RIMKLB: variants seen among roughly 807,000 people sequenced by gnomAD.
The protein encoded by RIMKLB is beta-citrylglutamate synthase B.
Under a neutral mutation model 32.0 loss-of-function variants are expected in RIMKLB, and 7 were observed. That is an observed-to-expected ratio of 0.22 (90% CI 0.12 to 0.41). The LOEUF is 0.41. Among genes scored for constraint, RIMKLB ranks in the 10% least tolerant of loss-of-function variants. RIMKLB has a pLI of 1.00. For missense variants in RIMKLB, 289 were observed against 498.7 expected (o/e 0.58, Z 4.00); for synonymous variants, 172 against 185.1 (o/e 0.93, Z 0.57).
At chr12:8,698,579 G>A (rs1307539094) in intron 1 of RIMKLB, among the ~76,000 whole-genome samples, 1 of 152,166 alleles carries the variant, frequency 6.6e-6, no homozygotes, top group Non-Finnish European at 1.5e-5. Context: ...TCGAGGGGGC[G>A]GCGACTTCGG....
chr12:8,734,566 C>G (rs377136554), intron 2 of RIMKLB, among the ~76,000 whole-genome samples: 17 of 152,214 alleles, frequency 1.1e-4, no homozygotes, highest in East Asian at 9.7e-4. Context: ...TCTAAGGAAT[C>G]AAGCTATATT....
chr12:8,687,129 C>T (rs1476652903), intron 1 of RIMKLB, among the ~76,000 whole-genome samples: 1 of 152,100 alleles, frequency 6.6e-6, no homozygotes, highest in African/African-American at 2.4e-5. Flanking sequence ...GGCATGATTG[C>T]CAGATAAACA....
At chr12:8,771,796 T>C (rs1400307609) in intron 5 of RIMKLB, among the ~76,000 whole-genome samples, 1 of 152,232 alleles carries the variant, frequency 6.6e-6, no homozygotes, top group Admixed American at 6.5e-5. Flanking sequence ...TTCTGGAAAA[T>C]GTCTTCATTA....
chr12:8,690,445 T>TG (rs1207688856), intron 1 of RIMKLB, among the ~76,000 whole-genome samples: 1 of 152,020 alleles, frequency 6.6e-6, no homozygotes, highest in Admixed American at 6.6e-5. Context: ...TACTAAGAAG[T>TG]GGGGGGAAAC....
intron 2 of RIMKLB, among the ~76,000 whole-genome samples, chr12:8,719,780 T>C (rs1391840474): frequency 1.3e-5 from 2 of 152,156 alleles, no homozygotes; most frequent in African/African-American, 2.4e-5. Flanking sequence ...CAAAAAGATA[T>C]ATAGAAAACC....
intron 5 of RIMKLB, 100 bp downstream of exon 5, chr12:8,754,193 GA>G: frequency 1.2e-6 from 1 of 823,932 alleles, no homozygotes. Flanking sequence ...TTAATAAGTT[GA>G]AAAACGTATT....
At chr12:8,727,900 C>CA (rs112200431) in intron 2 of RIMKLB, among the ~76,000 whole-genome samples, 70,523 of 135,238 alleles carry the variant, frequency 0.52, 17,703 homozygotes, top group South Asian at 0.61. Flanking sequence ...GACATTGTCT[C>CA]AAAAAAAAAA....
chr12:8,692,231 T>C (rs1030691540), upstream of RIMKLB, among the ~76,000 whole-genome samples: 2 of 152,224 alleles, frequency 1.3e-5, no homozygotes, highest in African/African-American at 4.8e-5. Flanking sequence ...CTAACAATAT[T>C]TGCTCAACCT....
chr12:8,706,617 A>AT (rs766312936), intron 1 of RIMKLB, among the ~76,000 whole-genome samples: 1 of 148,978 alleles, frequency 6.7e-6, no homozygotes, highest in Non-Finnish European at 1.5e-5. Flanking sequence ...CGTCCGGCTA[A>AT]TTTTTTTGTA....
intron 2 of RIMKLB, among the ~76,000 whole-genome samples, chr12:8,748,792 T>A (rs1467469337): frequency 6.6e-6 from 1 of 151,654 alleles, no homozygotes; most frequent in Non-Finnish European, 1.5e-5. Context: ...CAAAAAAATT[T>A]GCCAGGCATG....
intron 2 of RIMKLB, among the ~76,000 whole-genome samples, chr12:8,718,818 G>A (rs1945152729): frequency 6.6e-6 from 1 of 151,928 alleles, no homozygotes; most frequent in Non-Finnish European, 1.5e-5. Flanking sequence ...GCCCCATTTT[G>A]AACATCCCTT....
At chr12:8,675,503 C>G in the RIMKLB span, among the ~76,000 whole-genome samples, 8 of 152,206 alleles carry the variant, frequency 5.3e-5, no homozygotes, top group Admixed American at 1.3e-4. Context: ...TTGGTTTATT[C>G]TCCCAGATCT....
At chr12:8,715,879 A>T (rs150495872) in intron 2 of RIMKLB, among the ~76,000 whole-genome samples, 1 of 152,354 alleles carries the variant, frequency 6.6e-6, no homozygotes, top group African/African-American at 2.4e-5. Context: ...AAGATCCTTG[A>T]TCAAATCAAG....
At chr12:8,697,672 T>A (rs1942954768), upstream of RIMKLB, 1 of 293,388 alleles carries the variant, frequency 3.4e-6, no homozygotes, top group Non-Finnish European at 7.4e-6. Flanking sequence ...CGGAGCGCCC[T>A]CGCGCTCCCT....
intron 1 of RIMKLB, among the ~76,000 whole-genome samples, chr12:8,711,973 C>T (rs1474666391): frequency 6.6e-6 from 1 of 152,134 alleles, no homozygotes; most frequent in Non-Finnish European, 1.5e-5. Flanking sequence ...TGCAGGTTTG[C>T]ACTGTACCTT....
At chr12:8,701,767 G>A (rs771833484) in intron 1 of RIMKLB, among the ~76,000 whole-genome samples, 1 of 151,972 alleles carries the variant, frequency 6.6e-6, no homozygotes, top group South Asian at 2.1e-4. Context: ...CACTTTGGGA[G>A]GCTGAGGCAG....
chr12:8,759,240 C>A (rs981746068), intron 5 of RIMKLB, among the ~76,000 whole-genome samples: 2 of 151,962 alleles, frequency 1.3e-5, no homozygotes, highest in African/African-American at 4.8e-5. Flanking sequence ...ACTAAAAATA[C>A]AAAAATTAGC....
chr12:8,731,424 G>A (rs894746653), intron 2 of RIMKLB, among the ~76,000 whole-genome samples: 2 of 151,710 alleles, frequency 1.3e-5, no homozygotes, highest in African/African-American at 4.8e-5. Context: ...CAGAGGTTCA[G>A]TAAGATTATT....
chr12:8,677,648 G>T (rs1942351115), upstream of RIMKLB, among the ~76,000 whole-genome samples: 2 of 152,030 alleles, frequency 1.3e-5, no homozygotes, highest in African/African-American at 4.8e-5. Context: ...ATTATCCTTA[G>T]GATGCGGACG....
Sources: gnomAD v4.1 joint callset for allele counts (sites outside exome capture counted in the v4.1 genomes callset) on GRCh38, gnomAD v4.1.1 for gene constraint, MANE v1.5 for transcripts, NCBI Gene and HGNC (gene_info 2026-07-23, HGNC 2026-07-21) for gene names.